SHANK2: variants seen among roughly 807,000 people sequenced by gnomAD.
SHANK2 encodes the protein SH3 and multiple ankyrin repeat domains protein 2.
A neutral mutation model predicts 133.7 loss-of-function variants in SHANK2; 43 were observed. That is an observed-to-expected ratio of 0.32 (90% CI 0.25 to 0.41). SHANK2 has a LOEUF of 0.41. Ranked by LOEUF, SHANK2 falls within the 10% of genes least tolerant of loss-of-function variation. The pLI is 1.00. For synonymous variants in SHANK2, 1,017 were observed against 952.8 expected, an observed-to-expected ratio of 1.07 and a Z score of -1.24; for missense variants, 1,994 against 2,235.8, an observed-to-expected ratio of 0.89 and a Z score of 2.18.
chr11:70,613,233 T>C (rs10899250), intron 17 of SHANK2, among the ~76,000 whole-genome samples: 7,067 of 152,238 alleles, frequency 0.046, 185 homozygotes, highest in South Asian at 0.076. Context: ...AGATGGAGTC[T>C]TGCTCTGTCG....
intron 9 of SHANK2, among the ~76,000 whole-genome samples, chr11:71,057,697 T>C (rs1327893791): frequency 1.3e-5 from 2 of 151,822 alleles, no homozygotes; most frequent in South Asian, 2.1e-4. Flanking sequence ...ACAACAAGCA[T>C]GTGCCACCAT....
At chr11:70,519,445 C>T (rs1207675742) in intron 17 of SHANK2, among the ~76,000 whole-genome samples, 3 of 152,090 alleles carry the variant, frequency 2.0e-5, no homozygotes, top group African/African-American at 4.8e-5. Flanking sequence ...GTCAGGAGTT[C>T]GAGACCAGCC....
At chr11:70,910,241 C>T (rs1950171040) in intron 10 of SHANK2, among the ~76,000 whole-genome samples, 2 of 152,204 alleles carry the variant, frequency 1.3e-5, no homozygotes, top group African/African-American at 4.8e-5. Context: ...CCACTCAACC[C>T]AGAACAACTT....
intron 14 of SHANK2, among the ~76,000 whole-genome samples, chr11:70,736,185 A>G (rs1946400270): frequency 6.6e-6 from 1 of 152,066 alleles, no homozygotes. Context: ...GTTCACATTC[A>G]GGCCATGCAT....
At chr11:70,797,028 C>G (rs1947928914) in intron 14 of SHANK2, among the ~76,000 whole-genome samples, 1 of 152,180 alleles carries the variant, frequency 6.6e-6, no homozygotes, top group Non-Finnish European at 1.5e-5. Flanking sequence ...TATTCCTCCC[C>G]TTGATTTAAT....
chr11:71,110,198 T>C (rs7944885), intron 5 of SHANK2, 149 bp from the exon 6 acceptor site: 25,019 of 612,426 alleles, frequency 0.041, 1,971 homozygotes, highest in African/African-American at 0.26. Flanking sequence ...CAGCACTTTG[T>C]GAGGCCGAGG....
At chr11:70,522,596 C>G (rs1482301129) in intron 17 of SHANK2, among the ~76,000 whole-genome samples, 1 of 152,224 alleles carries the variant, frequency 6.6e-6, no homozygotes, top group African/African-American at 2.4e-5. Context: ...CCAGGGCCTC[C>G]GAGTCCCTGC....
At chr11:70,784,500 G>A (rs973863543) in intron 14 of SHANK2, among the ~76,000 whole-genome samples, 16 of 151,566 alleles carry the variant, frequency 1.1e-4, no homozygotes, top group African/African-American at 3.9e-4. Context: ...AGGATTACAG[G>A]TGTCATGTTG....
At chr11:71,085,676 T>TA (rs1951380322) in intron 8 of SHANK2, among the ~76,000 whole-genome samples, 2 of 61,984 alleles carry the variant, frequency 3.2e-5, no homozygotes, top group African/African-American at 6.1e-5. Flanking sequence ...ATATGTTATA[T>TA]ATATAATATA....
intron 10 of SHANK2, among the ~76,000 whole-genome samples, chr11:70,905,810 T>C (rs1480903641): frequency 7.3e-6 from 1 of 136,760 alleles, no homozygotes; most frequent in African/African-American, 2.8e-5. Context: ...TATGTTTTTT[T>C]TTTTTTTTTT....
chr11:71,168,031 G>T (rs868931053), intron 2 of SHANK2, among the ~76,000 whole-genome samples: 3 of 122,708 alleles, frequency 2.4e-5, no homozygotes, highest in African/African-American at 6.6e-5. Flanking sequence ...TCTCAGACGG[G>T]GCGGCTGCCA....
chr11:70,737,258 C>T (rs782212584), intron 14 of SHANK2, among the ~76,000 whole-genome samples: 8 of 152,288 alleles, frequency 5.3e-5, no homozygotes, highest in Middle Eastern at 3.4e-3. Context: ...CGCATCCTCC[C>T]GTTTCAATGT....
intron 17 of SHANK2, among the ~76,000 whole-genome samples, chr11:70,526,680 C>T (rs1328499948): frequency 6.6e-6 from 1 of 152,246 alleles, no homozygotes; most frequent in Non-Finnish European, 1.5e-5. Context: ...ACAATGCCAC[C>T]TCGCAGGCGT....
intron 11 of SHANK2, among the ~76,000 whole-genome samples, chr11:70,885,305 G>T (rs1949721649): frequency 6.6e-6 from 1 of 152,188 alleles, no homozygotes; most frequent in East Asian, 1.9e-4. Context: ...TTCTCTAAGG[G>T]TGAGAACTGC....
At chr11:70,828,593 G>A (rs782302467) in intron 11 of SHANK2, among the ~76,000 whole-genome samples, 3 of 152,268 alleles carry the variant, frequency 2.0e-5, no homozygotes, top group Non-Finnish European at 2.9e-5. Flanking sequence ...GAGGCCTGAC[G>A]ATGTGTCCTC....
chr11:70,893,129 A>G (rs1290330340), intron 11 of SHANK2, among the ~76,000 whole-genome samples: 3 of 152,216 alleles, frequency 2.0e-5, no homozygotes, highest in Admixed American at 2.0e-4. Flanking sequence ...GGAGGTTTGC[A>G]TGGCTGTGAT....
At chr11:70,895,711 G>C (rs1421095588) in intron 11 of SHANK2, 2 of 152,292 alleles carry the variant, frequency 1.3e-5, no homozygotes, top group African/African-American at 2.4e-5. Flanking sequence ...TGGATGCTAC[G>C]GCACCTTCCA....
At chr11:70,602,427 G>A (rs1255786426) in intron 17 of SHANK2, among the ~76,000 whole-genome samples, 1 of 152,188 alleles carries the variant, frequency 6.6e-6, no homozygotes, top group East Asian at 1.9e-4. Flanking sequence ...CCTACACTCA[G>A]ACATCAGGAG....
intron 14 of SHANK2, among the ~76,000 whole-genome samples, chr11:70,756,689 C>T (rs1365793855): frequency 6.6e-6 from 1 of 152,194 alleles, no homozygotes; most frequent in Non-Finnish European, 1.5e-5. Flanking sequence ...GAGGGCAGGG[C>T]CTCGGCTGCA....
Sources: gnomAD v4.1 joint callset for allele counts (sites outside exome capture counted in the v4.1 genomes callset) on GRCh38, gnomAD v4.1.1 for gene constraint, MANE v1.5 for transcripts, NCBI Gene and HGNC (gene_info 2026-07-23, HGNC 2026-07-21) for gene names.